Variants in WDPCP observed in about 807,000 individuals in gnomAD.
WDPCP encodes WD repeat-containing and planar cell polarity effector protein fritz homolog.
A neutral mutation model predicts 93.1 loss-of-function variants in WDPCP; 71 were observed. That is an observed-to-expected ratio of 0.76 (90% confidence interval 0.63 to 0.93). WDPCP has a LOEUF of 0.93. WDPCP is among the 40% of genes least tolerant of loss of function. The pLI is 0.00. For synonymous variants in WDPCP, 315 were observed against 315.0 expected (o/e 1.00, Z 0.00); for missense variants, 844 against 887.4 (o/e 0.95, Z 0.62).
chr2:63,568,157 G>A (rs1266783238), intron 1 of WDPCP, among the ~76,000 whole-genome samples: 1 of 152,148 alleles, frequency 6.6e-6, no homozygotes, highest in Non-Finnish European at 1.5e-5. Context: ...AAGGCACAAG[G>A]TCAGAGAGAT....
At chr2:63,743,317 A>G (rs1444044609) in intron 2 of WDPCP, among the ~76,000 whole-genome samples, 2 of 152,096 alleles carry the variant, frequency 1.3e-5, no homozygotes, top group African/African-American at 4.8e-5. Context: ...AAGGTCATCA[A>G]TGTTAGAGTC....
intron 1 of WDPCP, among the ~76,000 whole-genome samples, chr2:63,497,713 G>A (rs926320982): frequency 6.6e-6 from 1 of 152,172 alleles, no homozygotes; most frequent in African/African-American, 2.4e-5. Context: ...TCTTACTCAA[G>A]TGTGCCACCA....
chr2:63,662,457 T>C (rs1710236312), intron 2 of WDPCP, among the ~76,000 whole-genome samples: 1 of 152,122 alleles, frequency 6.6e-6, no homozygotes, highest in Non-Finnish European at 1.5e-5. Flanking sequence ...TCAGAGAACA[T>C]ACCATTCATT....
At chr2:63,304,141 TAC>T (rs1471809179) in intron 13 of WDPCP, among the ~76,000 whole-genome samples, 3 of 152,162 alleles carry the variant, frequency 2.0e-5, no homozygotes, top group African/African-American at 7.2e-5. Flanking sequence ...ACTGGGCATC[TAC>T]CCAAAGGAAA....
chr2:63,359,965 A>T (rs1318746184), intron 12 of WDPCP: 2 of 152,414 alleles, frequency 1.3e-5, no homozygotes, highest in African/African-American at 2.4e-5. Flanking sequence ...CAGTGGTCCC[A>T]GCTACTCGGG....
intron 1 of WDPCP, among the ~76,000 whole-genome samples, chr2:63,498,837 A>G (rs10518986): frequency 0.016 from 2,464 of 152,338 alleles, 59 homozygotes; most frequent in Admixed American, 0.065. Context: ...ATAAGGATAA[A>G]TGATAGCATG....
chr2:63,527,396 T>A (rs1044967068), intron 1 of WDPCP, among the ~76,000 whole-genome samples: 2 of 113,650 alleles, frequency 1.8e-5, no homozygotes, highest in Admixed American at 1.3e-4. Flanking sequence ...CAGGCCCTGG[T>A]GTCTGATGTT....
chr2:63,158,178 G>T (rs1317419414), intron 15 of WDPCP, among the ~76,000 whole-genome samples: 22 of 151,900 alleles, frequency 1.4e-4, no homozygotes, highest in Non-Finnish European at 2.6e-4. Flanking sequence ...ATGGTCAGAG[G>T]ACATACTTTG....
In WDPCP at chr2:63,338,564, AAAAAAATATATATATATAT is replaced by A. The variant is rs1475777694; in HGVS notation, c.1749-25272_1749-25254del. 2.1e-3 allele frequency among the ~76,000 whole-genome samples: 50 copies of A among 23,348 alleles called. 2 individuals carry two copies. Among genetic ancestry groups the A allele is most frequent in the African/African-American group, 0.012 (36 of 3,042 alleles). The allele number at this position is 23,348 out of a possible 152,430, so 15.3% of individuals were successfully genotyped here. ...CAAAACTCCATCTAAAAAAAAAAAAAAAAAAATATATATATATATATATATATATATATATATATATATA... is the reference window on the plus strand; with the variant it reads ...CAAAACTCCATCTAAAAAAAAAAAAAATATATATATATATATATATATATA... On this transcript the variant is annotated intron_variant, in intron 12 of 17. Coordinates refer to ENST00000272321, the MANE Select transcript of WDPCP (RefSeq NM_015910.7).
In WDPCP at chr2:63,265,254, A is replaced by AAGAT. The variant is rs201844700; in HGVS notation, c.1813-5849_1813-5846dup. Reference sequence around the variant, plus strand: ...AGAAAACTAAAAGTTGGTTTTTGAAAAGATAAACAAAACTGACTAAACTTT... The same window carrying AAGAT: ...AGAAAACTAAAAGTTGGTTTTTGAAAAGATAGATAAACAAAACTGACTAAACTTT... On this transcript the variant is annotated intron_variant, in intron 13 of 17. Coordinates refer to ENST00000272321, the MANE Select transcript of WDPCP (RefSeq NM_015910.7). 4.1e-3 allele frequency among the ~76,000 whole-genome samples: 621 copies of AAGAT among 152,276 alleles called. 3 individuals are homozygous for AAGAT. Among genetic ancestry groups the AAGAT allele is most frequent in the African/African-American group, 0.014 (598 of 41,588 alleles).
intron 12 of WDPCP, among the ~76,000 whole-genome samples, chr2:63,346,342 C>T (rs1456948616): frequency 6.6e-6 from 1 of 152,142 alleles, no homozygotes; most frequent in East Asian, 1.9e-4. Context: ...ATTTCACCTC[C>T]CCTCAGTTAC....
intron 15 of WDPCP, among the ~76,000 whole-genome samples, chr2:63,164,266 G>A (rs1483918327): frequency 6.6e-6 from 1 of 152,084 alleles, no homozygotes; most frequent in African/African-American, 2.4e-5. Flanking sequence ...TGTCTGACAT[G>A]GTTTAGATCT....
rs1477433298 is a variant in WDPCP at position 63,266,740 on chromosome 2, A to T, written c.1813-7331T>A. The stretch of plus-strand genomic sequence containing the variant: ...AGAATCATTTGAACTCGGGGGGTGG[A>T]GGCTGCCGTCAGTCAAGATCACTCC... On this transcript the variant is annotated intron_variant, in intron 13 of 17. Transcript: ENST00000272321. Among the ~76,000 whole-genome samples the T allele has an allele frequency of 2.0e-5, 3 of 152,116 alleles. No homozygotes were observed. In the East Asian group the frequency reaches 5.8e-4, roughly 29 times the overall value.
rs1289528955 is a variant in WDPCP, at chr2:63,273,673, A to C, written c.1813-14264T>G. Among the ~76,000 whole-genome samples the C allele has an allele frequency of 3.3e-5, 5 of 152,316 alleles. No individual in the cohort carries two copies. In the East Asian group the frequency reaches 9.6e-4, roughly 29 times the overall value. On this transcript the variant is annotated intron_variant, in intron 13 of 17. Transcript: ENST00000272321. ...TGGAAACCAACAATGAATAGGAGTAACTATATTTATATCAGGTAAAATAGA... is the reference window on the plus strand; with the variant it reads ...TGGAAACCAACAATGAATAGGAGTACCTATATTTATATCAGGTAAAATAGA...
At chr2:63,327,331 T>TTTA (rs1687634958) in intron 12 of WDPCP, among the ~76,000 whole-genome samples, 2 of 152,198 alleles carry the variant, frequency 1.3e-5, no homozygotes, top group African/African-American at 4.8e-5. Context: ...TGAATGAGGT[T>TTTA]TTATTAATAT....
chr2:63,383,707 T>C (rs1445219770), intron 10 of WDPCP, among the ~76,000 whole-genome samples: 2 of 152,102 alleles, frequency 1.3e-5, no homozygotes, highest in African/African-American at 4.8e-5. Context: ...AGTGAGACTC[T>C]GTCTCAATCA....
At chr2:63,256,928 G>T (rs1319204526) in intron 14 of WDPCP, among the ~76,000 whole-genome samples, 1 of 152,154 alleles carries the variant, frequency 6.6e-6, no homozygotes, top group Non-Finnish European at 1.5e-5. Flanking sequence ...ATAGCATCTT[G>T]AAGTGGGTAT....
At chr2:63,240,762 A>G (rs1679799568) in intron 14 of WDPCP, among the ~76,000 whole-genome samples, 1 of 152,176 alleles carries the variant, frequency 6.6e-6, no homozygotes, top group African/African-American at 2.4e-5. Flanking sequence ...AAGCAGAGAA[A>G]GAGGTTTGAG....
chr2:63,502,211 ACT>A (rs2106015891), intron 1 of WDPCP, among the ~76,000 whole-genome samples: 1 of 152,302 alleles, frequency 6.6e-6, no homozygotes, highest in South Asian at 2.1e-4. Context: ...CATCATGGAT[ACT>A]CTGTTAGCAT....
Sources: allele counts gnomAD v4.1 joint callset (sites outside exome capture counted in the v4.1 genomes callset), GRCh38; gene constraint gnomAD v4.1.1; transcripts MANE v1.5; gene names NCBI Gene and HGNC (gene_info 2026-07-23, HGNC 2026-07-21).